Variants in HCLS1 observed in about 807,000 individuals in gnomAD.
HCLS1 encodes hematopoietic lineage cell-specific protein.
HCLS1 carries 44 observed loss-of-function variants against 68.6 expected under a neutral mutation model. That is an observed-to-expected ratio of 0.64 (90% CI 0.50 to 0.82). The LOEUF is 0.82. Among genes scored for constraint, HCLS1 ranks in the 40% least tolerant of loss-of-function variants. HCLS1 has a pLI of 0.00. For missense variants in HCLS1, 602 were observed against 612.1 expected (o/e 0.98, Z 0.17); for synonymous variants, 217 against 225.8 (o/e 0.96, Z 0.35).
intron 4 of HCLS1, among the ~76,000 whole-genome samples, chr3:121,646,362 T>TATA (rs372065267): frequency 6.4e-5 from 6 of 94,310 alleles, no homozygotes; most frequent in South Asian, 3.6e-4. Context: ...TATTACATTA[T>TATA]ATTACATATT....
intron 8 of HCLS1, among the ~76,000 whole-genome samples, chr3:121,636,085 T>C (rs1010248294): frequency 5.9e-5 from 9 of 152,186 alleles, no homozygotes; most frequent in Admixed American, 5.9e-4. Flanking sequence ...GGCTCATGCA[T>C]GAGGAGGAAC....
chr3:121,640,075 G>A (rs1226413519), intron 6 of HCLS1, among the ~76,000 whole-genome samples: 1 of 151,986 alleles, frequency 6.6e-6, no homozygotes, highest in Non-Finnish European at 1.5e-5. Flanking sequence ...AATGAAAATA[G>A]GCATTTCATA....
In HCLS1 at chr3:121,647,305, C is replaced by T; in HGVS notation, c.288+14G>A. 1 of 1,613,376 alleles carries T rather than the reference C, an allele frequency of 6.2e-7. No homozygotes were observed. The highest frequency in any genetic ancestry group is 8.5e-7 in the Non-Finnish European group (1 of 1,179,752). ...TTGTATTTTTTTAAAGCAAATCTTT[C>T]CCTTTCAACTTACCTTGTCCATTCG... On this transcript the variant is annotated intron_variant, in intron 4 of 13. Coordinates refer to ENST00000314583, the MANE Select transcript of HCLS1 (RefSeq NM_005335.6).
At chr3:121,649,250 T>C (rs1174171938) in intron 3 of HCLS1, among the ~76,000 whole-genome samples, 1 of 152,142 alleles carries the variant, frequency 6.6e-6, no homozygotes, top group Admixed American at 6.6e-5. Flanking sequence ...TTATTATTAT[T>C]ATTGAGACAG....
chr3:121,642,891 A>G, intron 6 of HCLS1, 36 bp downstream of exon 6: 1 of 1,549,508 alleles, frequency 6.5e-7, no homozygotes, highest in Non-Finnish European at 8.9e-7. Context: ...CCTGCCGGTC[A>G]GATTGCTGAG....
At position 121,636,338 on chromosome 3, in the gene HCLS1, G is replaced by A. The variant is rs904550783; in HGVS notation, c.621+96C>T. The A allele has an allele frequency of 1.5e-5, 15 of 1,014,124 alleles. 1 individual carries two copies. Among genetic ancestry groups the A allele is most frequent in the Middle Eastern group, 2.3e-4 (1 of 4,412 alleles). 62.8% of individuals were successfully genotyped at this position (1,014,124 alleles called of 1,614,324 possible). A position where few individuals can be genotyped will look rare whatever the true frequency, so the allele number is the denominator to read the frequency against. On this transcript the variant is annotated intron_variant, in intron 8 of 13. Coordinates refer to ENST00000314583, the MANE Select transcript of HCLS1 (RefSeq NM_005335.6). Reference sequence around the variant, plus strand: ...CAGGCTCTGTGTGCCCAGCACCACCGTCCCCTCCCTCTCCCAGCCTTCTTC... The same window carrying A: ...CAGGCTCTGTGTGCCCAGCACCACCATCCCCTCCCTCTCCCAGCCTTCTTC...
chr3:121,643,134 A>C (rs1576464443), intron 5 of HCLS1, 153 bp from the exon 6 acceptor site: 1 of 621,932 alleles, frequency 1.6e-6, no homozygotes, highest in East Asian at 2.8e-5. Flanking sequence ...TGGTATGGAC[A>C]CAGGATACTA....
chr3:121,633,797 C>A (rs2049122146), intron 10 of HCLS1, among the ~76,000 whole-genome samples: 1 of 152,144 alleles, frequency 6.6e-6, no homozygotes. Flanking sequence ...ACCTTGGCCA[C>A]CTCAAGTGCT....
intron 11 of HCLS1, among the ~76,000 whole-genome samples, 165 bp from the exon 12 acceptor site, chr3:121,632,728 T>C (rs925052115): frequency 4.6e-5 from 7 of 152,106 alleles, no homozygotes; most frequent in African/African-American, 1.7e-4. Flanking sequence ...CCATCTTCAT[T>C]CTTCAATCTC....
chr3:121,635,653 G>T (rs1243915920), intron 9 of HCLS1, 82 bp downstream of exon 9: 5 of 1,063,444 alleles, frequency 4.7e-6, no homozygotes, highest in Non-Finnish European at 5.9e-6. Flanking sequence ...GTAGTTAAAG[G>T]CATGGAGGAT....
chr3:121,637,283 G>T, intron 6 of HCLS1, 27 bp from the exon 7 acceptor site: 1 of 1,505,444 alleles, frequency 6.6e-7, no homozygotes, highest in Non-Finnish European at 9.3e-7. Context: ...AGTCATGAGA[G>T]CCCACCCTTA....
At chr3:121,657,436 ATG>A in intron 2 of HCLS1, 84 bp from the exon 3 acceptor site, 2 of 1,197,750 alleles carry the variant, frequency 1.7e-6, no homozygotes, top group Non-Finnish European at 2.5e-6. Flanking sequence ...CATGCCCTCC[ATG>A]TCCCCTGTGT....
intron 6 of HCLS1, among the ~76,000 whole-genome samples, chr3:121,638,238 A>C (rs1488464695): frequency 6.6e-6 from 1 of 152,136 alleles, no homozygotes; most frequent in Non-Finnish European, 1.5e-5. Context: ...ATTTAAAAAA[A>C]AATCTGTAGT....
At chr3:121,648,292 G>GAGAAA (rs1304092533) in intron 3 of HCLS1, among the ~76,000 whole-genome samples, 2 of 152,052 alleles carry the variant, frequency 1.3e-5, no homozygotes, top group Non-Finnish European at 2.9e-5. Flanking sequence ...CTAAGAGAAA[G>GAGAAA]TACCACCAAA....
rs767502116 is a variant in HCLS1 at position 121,632,553 on chromosome 3, TC to T, written c.1018del (p.Glu340SerfsTer115). On this transcript the variant is annotated frameshift_variant, in exon 12 of 14. Coordinates refer to ENST00000314583, the MANE Select transcript of HCLS1 (RefSeq NM_005335.6). LOFTEE classifies it high-confidence loss of function. ...AGTCCTAGGGGGCAGAGCTGGGGGC[TC>T]CTCATTGTCCTGAGAAGAGACAGTG... is the stretch of plus-strand genomic sequence containing the variant. Reference protein sequence around the residue: ...IRQTLPEDNEEPPALPPRTLE... With the variant: ...IRQTLPEDNEXPPALPPRTLE... The T allele has an allele frequency of 6.2e-7, 1 of 1,612,162 alleles. No homozygotes were observed. The highest frequency in any genetic ancestry group is 1.1e-5 in the South Asian group (1 of 91,032).
At chr3:121,646,348 AATATATTACATTAT>A (rs1156624919) in intron 4 of HCLS1, among the ~76,000 whole-genome samples, 32 of 62,338 alleles carry the variant, frequency 5.1e-4, no homozygotes, top group East Asian at 1.0e-3. Flanking sequence ...TATAGTATAT[AATATATTACATTAT>A]ATTACATATT....
At chr3:121,634,168 G>C in intron 10 of HCLS1, 39 bp downstream of exon 10, 1 of 1,612,524 alleles carries the variant, frequency 6.2e-7, no homozygotes, top group Non-Finnish European at 8.5e-7. Flanking sequence ...GTCTGGGCAA[G>C]AGATCCTGGA....
chr3:121,642,035 C>A (rs1296430349), intron 6 of HCLS1, among the ~76,000 whole-genome samples: 1 of 134,394 alleles, frequency 7.4e-6, no homozygotes, highest in African/African-American at 2.8e-5. Context: ...AGCCGAGATC[C>A]AGCCACTGCA....
At chr3:121,632,664 C>G in intron 11 of HCLS1, 101 bp from the exon 12 acceptor site, 1 of 991,532 alleles carries the variant, frequency 1.0e-6, no homozygotes, top group African/African-American at 1.6e-5. Context: ...GCCTCTTCTC[C>G]CCTCTACCCT....
Sources: allele counts gnomAD v4.1 joint callset (sites outside exome capture counted in the v4.1 genomes callset), GRCh38; gene constraint gnomAD v4.1.1; transcripts MANE v1.5; gene names NCBI Gene and HGNC (gene_info 2026-07-23, HGNC 2026-07-21).